UMODL1: variants seen among roughly 807,000 people sequenced by gnomAD.
UMODL1 encodes the protein uromodulin like 1, also known as uromodulin-like 1.
Under a neutral mutation model 136.3 loss-of-function variants are expected in UMODL1, and 128 were observed. The ratio of observed to expected loss-of-function variants is 0.94; its 90% CI spans 0.81 to 1.09. The LOEUF (loss-of-function observed/expected upper bound fraction) is 1.09, where lower values mean the gene tolerates loss of function less well. Among genes scored for constraint, UMODL1 ranks in the 50% least tolerant of loss-of-function variants. The probability of loss-of-function intolerance (pLI) is 0.00; values close to 1 mark genes in which losing one functional copy is unlikely to be tolerated. For synonymous variants in UMODL1, 721 were observed against 720.0 expected (o/e 1.00, Z -0.02); for missense variants, 1,766 against 1,725.6 (o/e 1.02, Z -0.41).
chr21:42,068,681 A>T (rs1569135793), upstream of UMODL1, among the ~76,000 whole-genome samples: 1 of 152,152 alleles, frequency 6.6e-6, no homozygotes, highest in East Asian at 1.9e-4. This position sits in a 1 kb window ranked among gnomAD's most constrained non-coding sequence, Gnocchi z 5.5. Flanking sequence ...TACATGTGTT[A>T]GTGTGGGCAT....
At chr21:42,071,277 G>A (rs2066228282), upstream of UMODL1, 1 of 1,480,762 alleles carries the variant, frequency 6.8e-7, no homozygotes, top group Non-Finnish European at 9.0e-7. Context: ...AGGCTTCTTG[G>A]TAGAGGCCCA....
chr21:42,108,549 T>G (rs2066757539), intron 9 of UMODL1: 1 of 347,410 alleles, frequency 2.9e-6, no homozygotes, highest in Non-Finnish European at 5.8e-6. Flanking sequence ...TGGTCCTGCA[T>G]CGTGGCTTAA....
At chr21:42,134,209 G>A (rs1262318406) in intron 21 of UMODL1, among the ~76,000 whole-genome samples, 1 of 152,226 alleles carries the variant, frequency 6.6e-6, no homozygotes, top group African/African-American at 2.4e-5. Flanking sequence ...TTTGCAGGGG[G>A]TGAGGGGTTC....
chr21:42,091,019 A>G (rs2066485566), intron 6 of UMODL1, among the ~76,000 whole-genome samples: 1 of 152,240 alleles, frequency 6.6e-6, no homozygotes, highest in African/African-American at 2.4e-5. Context: ...GATGGTCTTC[A>G]GACCACAGGG....
At chr21:42,116,029 G>T (rs1332651340) in intron 14 of UMODL1, 44 bp downstream of exon 14, 2 of 1,526,286 alleles carry the variant, frequency 1.3e-6, no homozygotes, top group South Asian at 2.2e-5. Context: ...AGGAGGGAAA[G>T]GGTGGAAGGC....
chr21:42,103,038 C>A (rs1375028305), intron 8 of UMODL1: 1 of 155,408 alleles, frequency 6.4e-6, no homozygotes, highest in Non-Finnish European at 1.4e-5. Context: ...GAACCTGAAT[C>A]TTTTATAATG....
chr21:42,096,870 G>T (rs1230814798), intron 6 of UMODL1, among the ~76,000 whole-genome samples: 1 of 152,230 alleles, frequency 6.6e-6, no homozygotes, highest in Non-Finnish European at 1.5e-5. Context: ...GCTTTTAGCA[G>T]ACTTTTTGGA....
rs1555917882 is a variant in UMODL1, at chr21:42,075,243, G to GGC, written c.77-761_77-760insCG. ...TTAAAAAATATTTTTGCTGGAGATGGGGGGGGGGTTTCACCATGTTGGCCG... is the reference window on the plus strand; with the variant it reads ...TTAAAAAATATTTTTGCTGGAGATGGGCGGGGGGGGTTTCACCATGTTGGCCG... On this transcript the variant is annotated intron_variant, in intron 1 of 22. Transcript: ENST00000408910. 3.8e-3 allele frequency among the ~76,000 whole-genome samples: 188 copies of GGC among 49,034 alleles called. 1 individual carries two copies. Among genetic ancestry groups the GGC allele is most frequent in the African/African-American group, 0.015 (180 of 12,158 alleles). The allele number at this position is 49,034 out of a possible 152,430, so 32.2% of individuals were successfully genotyped here.
chr21:42,076,810 C>G (rs1014195237), intron 2 of UMODL1, among the ~76,000 whole-genome samples: 2 of 152,192 alleles, frequency 1.3e-5, no homozygotes, highest in African/African-American at 4.8e-5. Flanking sequence ...GCCTACCACC[C>G]TAAGTGCTCA....
At chr21:42,075,746 C>T (rs2066282615) in intron 1 of UMODL1, among the ~76,000 whole-genome samples, 1 of 152,256 alleles carries the variant, frequency 6.6e-6, no homozygotes, top group African/African-American at 2.4e-5. Context: ...GTGGCACCTC[C>T]TCCTCGGTCA....
chr21:42,102,423 A>C, intron 8 of UMODL1, 145 bp downstream of exon 8: 3 of 582,674 alleles, frequency 5.1e-6, no homozygotes, highest in Non-Finnish European at 9.0e-6. Context: ...GCCAAACCCA[A>C]ATCGCACAGT....
intron 2 of UMODL1, 67 bp from the exon 3 acceptor site, chr21:42,084,017 G>A (rs1006183174): frequency 1.1e-5 from 17 of 1,569,022 alleles, no homozygotes; most frequent in Middle Eastern, 3.4e-4. Flanking sequence ...CCGACGTGAG[G>A]TCCCCGTGCA....
chr21:42,120,291 G>A (rs189801595), intron 15 of UMODL1, among the ~76,000 whole-genome samples: 3 of 152,232 alleles, frequency 2.0e-5, no homozygotes, highest in South Asian at 2.1e-4. Context: ...TAAATCAAAC[G>A]CTTTCAAAGT....
intron 1 of UMODL1, among the ~76,000 whole-genome samples, 179 bp downstream of exon 1, chr21:42,071,571 G>A (rs1334121549): frequency 1.3e-5 from 2 of 152,174 alleles, no homozygotes; most frequent in Non-Finnish European, 2.9e-5. Flanking sequence ...CAGCTGTGGA[G>A]GTGGGGCAGG....
chr21:42,080,032 C>T (rs1239854289), intron 2 of UMODL1, among the ~76,000 whole-genome samples: 1 of 152,188 alleles, frequency 6.6e-6, no homozygotes, highest in African/African-American at 2.4e-5. Flanking sequence ...GGCCTGTATC[C>T]CATTTCTTCC....
chr21:42,066,986 T>A (rs1200887843), upstream of UMODL1, among the ~76,000 whole-genome samples: 1 of 151,484 alleles, frequency 6.6e-6, no homozygotes, highest in Non-Finnish European at 1.5e-5. Flanking sequence ...TCTTTTTTTT[T>A]TTTTTTGAGA....
chr21:42,063,196 A>G (rs933609393), exon 1 of UMODL1: 1 of 152,272 alleles, frequency 6.6e-6, no homozygotes, highest in Non-Finnish European at 1.5e-5. Context: ...TTACATCTGC[A>G]AAAAGACCCT....
chr21:42,099,275 C>A lies in UMODL1; in HGVS notation c.1186+95C>A. On this transcript the variant is annotated intron_variant, in intron 7 of 22. Coordinates refer to ENST00000408910, the MANE Select transcript of UMODL1 (RefSeq NM_001004416.3). The surrounding 1 kb of genome is among the most constrained non-coding windows in gnomAD (Gnocchi z 4.1). Reference sequence around the variant, plus strand: ...GCATGTCGCGTTCTTCTTCCTATAACCAGGGCACCAGAAGTCACTGACCGC... The same window carrying A: ...GCATGTCGCGTTCTTCTTCCTATAAACAGGGCACCAGAAGTCACTGACCGC... 2 of 1,497,308 alleles carry A rather than the reference C, an allele frequency of 1.3e-6. No individual in the cohort carries two copies. The highest frequency in any genetic ancestry group is 2.3e-5 in the East Asian group (1 of 42,804). 92.8% of individuals were successfully genotyped at this position (1,497,308 alleles called of 1,614,324 possible). A position where few individuals can be genotyped will look rare whatever the true frequency, so the allele number is the denominator to read the frequency against.
chr21:42,066,612 A>G (rs2066184935), upstream of UMODL1, among the ~76,000 whole-genome samples: 1 of 152,168 alleles, frequency 6.6e-6, no homozygotes, highest in African/African-American at 2.4e-5. Flanking sequence ...ATCTTGCTCC[A>G]AGCTGCAAAA....
Sources: allele counts gnomAD v4.1 joint callset (sites outside exome capture counted in the v4.1 genomes callset), GRCh38; gene constraint gnomAD v4.1.1; non-coding constraint Gnocchi (gnomAD v3.1); transcripts MANE v1.5; gene names NCBI Gene and HGNC (gene_info 2026-07-23, HGNC 2026-07-21).